Variants in LDHB observed in about 807,000 individuals in gnomAD.
LDHB encodes the protein lactate dehydrogenase B.
Under a neutral mutation model 33.4 loss-of-function variants are expected in LDHB, and 18 were observed. The ratio of observed to expected loss-of-function variants is 0.54; its 90% CI spans 0.37 to 0.80. The LOEUF is 0.80. Among genes scored for constraint, LDHB ranks in the 30% least tolerant of loss-of-function variants. The probability of loss-of-function intolerance (pLI) is 0.00; values close to 1 mark genes in which losing one functional copy is unlikely to be tolerated. For synonymous variants in LDHB, 121 were observed against 140.6 expected (o/e 0.86, Z 0.98); for missense variants, 345 against 407.9 (o/e 0.85, Z 1.33).
chr12:21,646,092 T>C (rs1009478840), intron 3 of LDHB, among the ~76,000 whole-genome samples: 24 of 152,184 alleles, frequency 1.6e-4, no homozygotes, highest in African/African-American at 4.8e-5. Flanking sequence ...AAGGATAAAC[T>C]GGACCCAGAT....
At chr12:21,652,870 A>T (rs1167548152) in intron 2 of LDHB, among the ~76,000 whole-genome samples, 1 of 152,196 alleles carries the variant, frequency 6.6e-6, no homozygotes, top group Non-Finnish European at 1.5e-5. Flanking sequence ...TACGTTTTTT[A>T]GTTTATTTTT....
Position 21,635,504 on chromosome 12 carries a change from T to C in LDHB, c.*38A>G, listed in dbSNP as rs1360903442. 2 of 1,526,534 alleles carry C rather than the reference T, an allele frequency of 1.3e-6. No individual in the cohort carries two copies. Among genetic ancestry groups the C allele is most frequent in the East Asian group, 2.3e-5 (1 of 44,442 alleles). 94.6% of individuals were successfully genotyped at this position (1,526,534 alleles called of 1,614,324 possible). A position where few individuals can be genotyped will look rare whatever the true frequency, so the allele number is the denominator to read the frequency against. On this transcript the variant is annotated 3_prime_UTR_variant, in exon 8 of 8. Coordinates refer to ENST00000350669, the MANE Select transcript of LDHB (RefSeq NM_002300.8). ...AAACTAAAGGCTCGAGTTAATCACATTGTAGTTTTTAAATTTCTACAGCCT... is the reference window on the plus strand; with the variant it reads ...AAACTAAAGGCTCGAGTTAATCACACTGTAGTTTTTAAATTTCTACAGCCT...
In LDHB at chr12:21,651,892, C is replaced by T. The variant is rs74069309; in HGVS notation, c.129+2651G>A. Among the ~76,000 whole-genome samples, 231 of 152,296 alleles carry T rather than the reference C, an allele frequency of 1.5e-3. 1 individual carries two copies. The highest frequency in any genetic ancestry group is 5.2e-3 in the African/African-American group (217 of 41,564). On this transcript the variant is annotated intron_variant, in intron 2 of 7. Coordinates refer to ENST00000350669, the MANE Select transcript of LDHB (RefSeq NM_002300.8). ...AAAAATATTCATTAGATAGTCTCCA[C>T]ATAATTTCTAAGAAAATGTACTCCA...
rs150503665 is a variant in LDHB, at chr12:21,635,554, T to C, written c.993A>G (p.Leu331=). Residue 331 remains leucine, a synonymous_variant, in exon 8 of 8, where the codon CTA becomes CTG. Transcript: ENST00000350669. ...TAGAGCTCACTAGTCACAGGTCTTT[T>C]AGGTCCTTCTGGATGTCCCACAGGG... ...ADTLWDIQKD[L]KDL is the part of the protein sequence containing the mutation. The C allele has an allele frequency of 8.6e-5, 139 of 1,612,066 alleles. No individual in the cohort carries two copies. The African/African-American group carries it at 1.8e-3, about 20-fold the overall frequency.
intron 4 of LDHB, among the ~76,000 whole-genome samples, chr12:21,643,364 T>C (rs982767656): frequency 6.6e-6 from 1 of 152,276 alleles, no homozygotes; most frequent in African/African-American, 2.4e-5. Flanking sequence ...AAAAAGTGCA[T>C]TCTTTCTAGT....
Position 21,654,686 on chromosome 12 carries a change from A to C in LDHB, c.-6-9T>G. On this transcript the variant is annotated splice_polypyrimidine_tract_variant and intron_variant, in intron 1 of 7. Coordinates refer to ENST00000350669, the MANE Select transcript of LDHB (RefSeq NM_002300.8). ...AGAGTTGCCATTTTGCACTGCAAGG[A>C]AAGAATCAAAACATTACACGTATAT... is the stretch of plus-strand genomic sequence containing the variant. 6.2e-7 allele frequency: 1 copy of C among 1,608,414 alleles called. No individual in the cohort carries two copies. The highest frequency in any genetic ancestry group is 2.2e-5 in the East Asian group (1 of 44,848).
chr12:21,641,303 G>C (rs1204136608), intron 5 of LDHB, among the ~76,000 whole-genome samples: 1 of 152,124 alleles, frequency 6.6e-6, no homozygotes. Flanking sequence ...GTGATGCCAT[G>C]AGAAAACTAT....
chr12:21,653,101 G>C (rs1462833716), intron 2 of LDHB, among the ~76,000 whole-genome samples: 2 of 152,130 alleles, frequency 1.3e-5, no homozygotes, highest in Non-Finnish European at 2.9e-5. Context: ...AATAAGAAAA[G>C]GGCTTCTTTC....
chr12:21,643,694 A>C (rs1326071637), intron 4 of LDHB: 10 of 513,910 alleles, frequency 1.9e-5, no homozygotes, highest in Non-Finnish European at 3.4e-5. Context: ...ATCTATAACC[A>C]AGCCAGATGA....
chr12:21,649,493 C>T (rs139508013), intron 2 of LDHB, among the ~76,000 whole-genome samples: 1 of 152,216 alleles, frequency 6.6e-6, no homozygotes, highest in East Asian at 1.9e-4. Context: ...TTCACTTAAG[C>T]TGTAAGCATG....
intron 2 of LDHB, 142 bp from the exon 3 acceptor site, chr12:21,647,158 T>G: frequency 1.6e-6 from 1 of 638,578 alleles, no homozygotes; most frequent in Non-Finnish European, 2.8e-6. Context: ...AGTTAGATAC[T>G]CAATGAGGAT....
Position 21,639,838 on chromosome 12 carries a change from CCCT to C in LDHB, c.596-1371_596-1369del, listed in dbSNP as rs1447529486. Among the ~76,000 whole-genome samples the C allele has an allele frequency of 1.3e-3, 201 of 151,984 alleles. 1 individual carries two copies. Among genetic ancestry groups the C allele is most frequent in the South Asian group, 2.3e-3 (11 of 4,808 alleles). On this transcript the variant is annotated intron_variant, in intron 5 of 7. Transcript: ENST00000350669. ...TAACCAGACAAAAATTCAGATGAGT[CCCT>C]GGAGGTAAACAATTCTTGAATAAAG... is the stretch of plus-strand genomic sequence containing the variant.
chr12:21,642,730 A>G (rs942690892), intron 4 of LDHB, among the ~76,000 whole-genome samples: 1 of 152,228 alleles, frequency 6.6e-6, no homozygotes, highest in Non-Finnish European at 1.5e-5. Flanking sequence ...GGATCACAGC[A>G]CTTGCAGGCT....
At chr12:21,641,893 A>C in intron 5 of LDHB, 59 bp downstream of exon 5, 4 of 1,438,904 alleles carry the variant, frequency 2.8e-6, no homozygotes, top group East Asian at 4.7e-5. Context: ...AAATAAAATG[A>C]AAAATTCAAA....
intron 2 of LDHB, among the ~76,000 whole-genome samples, chr12:21,653,724 G>A (rs1325491767): frequency 2.0e-5 from 3 of 151,972 alleles, no homozygotes; most frequent in Non-Finnish European, 2.9e-5. Context: ...GTAAATGTAG[G>A]TGAATTATTT....
chr12:21,652,229 TA>T (rs1229984284), intron 2 of LDHB, among the ~76,000 whole-genome samples: 3 of 152,254 alleles, frequency 2.0e-5, no homozygotes, highest in South Asian at 2.1e-4. Flanking sequence ...TTAATACATT[TA>T]TTTTTTTCTA....
At chr12:21,651,925 A>G (rs894501735) in intron 2 of LDHB, among the ~76,000 whole-genome samples, 1 of 152,206 alleles carries the variant, frequency 6.6e-6, no homozygotes, top group African/African-American at 2.4e-5. Context: ...CCATTTTGCA[A>G]AAGATAAAGG....
rs752398090 is a variant in LDHB, at chr12:21,641,982, A to G, written c.565T>C (p.Trp189Arg). 1.7e-5 allele frequency: 27 copies of G among 1,613,444 alleles called. No individual in the cohort carries two copies. The highest frequency in any genetic ancestry group is 2.2e-5 in the Non-Finnish European group (26 of 1,179,668). The stretch of plus-strand genomic sequence containing the variant: ...GAGTCGCCATGTTCCCCCAAAATCC[A>G]TCCATGGCAGCTGCTGGGATGAATG... Reference protein sequence around the residue: ...LGIHPSSCHGWILGEHGDSSV... With the variant: ...LGIHPSSCHGRILGEHGDSSV... Residue 189 changes from tryptophan (W) to arginine (R), a missense_variant, in exon 5 of 8, where the codon TGG (tryptophan) becomes CGG (arginine). By Grantham distance (101) the Trp-to-Arg change is moderately radical. Transcript: ENST00000350669.
chr12:21,637,010 G>C lies in LDHB; in HGVS notation c.837+61C>G, dbSNP rs145164795. 5.9e-6 allele frequency: 8 copies of C among 1,364,724 alleles called. No individual in the cohort carries two copies. The East Asian group carries it at 1.2e-4, about 20-fold the overall frequency. 84.5% of individuals were successfully genotyped at this position (1,364,724 alleles called of 1,614,324 possible). A position where few individuals can be genotyped will look rare whatever the true frequency, so the allele number is the denominator to read the frequency against. On this transcript the variant is annotated intron_variant, in intron 7 of 7. Transcript: ENST00000350669. ...TTATCTGGTCTGAGCCTCTTTAAAT[G>C]AATCTTTTTGTAGAATACAATGCGA...
Sources: gnomAD v4.1 joint callset for allele counts (sites outside exome capture counted in the v4.1 genomes callset) on GRCh38, gnomAD v4.1.1 for gene constraint, MANE v1.5 for transcripts, NCBI Gene and HGNC (gene_info 2026-07-23, HGNC 2026-07-21) for gene names.